The following LRRC4C variants were observed in gnomAD, a reference collection of about 807,000 sequenced individuals.
LRRC4C encodes leucine-rich repeat-containing protein 4C.
Under a neutral mutation model 33.6 loss-of-function variants are expected in LRRC4C, and 5 were observed. The observed-to-expected ratio is 0.15, with a 90% CI of 0.08 to 0.31. The LOEUF is 0.31. Ranked by LOEUF, LRRC4C falls within the 10% of genes least tolerant of loss-of-function variation. LRRC4C has a pLI of 1.00. For missense variants in LRRC4C, 560 were observed against 796.7 expected, an observed-to-expected ratio of 0.70 and a Z score of 3.58; for synonymous variants, 329 against 302.0, an observed-to-expected ratio of 1.09 and a Z score of -0.93.
chr11:40,405,181 T>C (rs1216964433), intron 3 of LRRC4C, among the ~76,000 whole-genome samples: 2 of 151,870 alleles, frequency 1.3e-5, no homozygotes, highest in African/African-American at 4.8e-5. Flanking sequence ...AATGAGCTCA[T>C]GCAATATTTT....
chr11:40,931,910 G>A (rs1011254135), intron 2 of LRRC4C, among the ~76,000 whole-genome samples: 2 of 151,992 alleles, frequency 1.3e-5, no homozygotes, highest in Middle Eastern at 3.2e-3. Context: ...TCAGAGGATC[G>A]ATCCTTCAGT....
chr11:40,497,865 AG>A (rs1489249984), intron 3 of LRRC4C, among the ~76,000 whole-genome samples: 1 of 152,214 alleles, frequency 6.6e-6, no homozygotes, highest in Non-Finnish European at 1.5e-5. Flanking sequence ...CAAAGACCTC[AG>A]TTCTTATAAA....
chr11:41,039,481 C>T (rs1857291262), intron 1 of LRRC4C, among the ~76,000 whole-genome samples: 1 of 152,084 alleles, frequency 6.6e-6, no homozygotes, highest in South Asian at 2.1e-4. Flanking sequence ...GAATGACAAA[C>T]TCTAAACATA....
intron 1 of LRRC4C, among the ~76,000 whole-genome samples, chr11:41,193,086 T>C (rs926066616): frequency 1.3e-5 from 2 of 152,102 alleles, no homozygotes; most frequent in Non-Finnish European, 1.5e-5. Flanking sequence ...CCCTTATCTA[T>C]AAAGTTGCTA....
Position 40,462,326 on chromosome 11 carries a change from G to A in LRRC4C, c.-269-142605C>T, listed in dbSNP as rs1590814964. ...AGTCTTTATTATGTAGGAACAATTG[G>A]AAGCAGAGATTTGCTTTTTATCTTC... On this transcript the variant is annotated intron_variant, in intron 3 of 6. Transcript: ENST00000528697. Among the ~76,000 whole-genome samples the A allele has an allele frequency of 5.3e-5, 8 of 152,184 alleles. No homozygotes were observed. The South Asian group carries it at 1.4e-3, about 28-fold the overall frequency.
chr11:40,864,674 A>G (rs1197997949), intron 2 of LRRC4C, among the ~76,000 whole-genome samples: 1 of 152,196 alleles, frequency 6.6e-6, no homozygotes, highest in African/African-American at 2.4e-5. Context: ...CTTTCAAACT[A>G]GGCAAAGACA....
chr11:40,482,305 A>G (rs1953615066), intron 3 of LRRC4C, among the ~76,000 whole-genome samples: 1 of 152,186 alleles, frequency 6.6e-6, no homozygotes, highest in Non-Finnish European at 1.5e-5. Context: ...TAGGACATTC[A>G]GATTAATTGT....
intron 2 of LRRC4C, among the ~76,000 whole-genome samples, chr11:40,704,216 A>G (rs1213749983): frequency 6.6e-6 from 1 of 152,196 alleles, no homozygotes; most frequent in South Asian, 2.1e-4. Flanking sequence ...CAAATACTAC[A>G]TCATTTTATA....
chr11:41,190,540 T>C (rs115434716), intron 1 of LRRC4C, among the ~76,000 whole-genome samples: 2,018 of 152,240 alleles, frequency 0.013, 55 homozygotes, highest in African/African-American at 0.045. Flanking sequence ...AATAAATGTT[T>C]CCTTTCACTG....
intron 4 of LRRC4C, among the ~76,000 whole-genome samples, chr11:40,258,258 T>G (rs1315864222): frequency 1.3e-5 from 2 of 152,172 alleles, no homozygotes; most frequent in African/African-American, 4.8e-5. Context: ...TTTGTATGAA[T>G]GTGCCTCAGC....
intron 6 of LRRC4C, among the ~76,000 whole-genome samples, chr11:40,140,407 T>C (rs1774360970): frequency 6.6e-6 from 1 of 152,112 alleles, no homozygotes; most frequent in Non-Finnish European, 1.5e-5. Flanking sequence ...GAACCACATT[T>C]CCAGTTCTGT....
intron 4 of LRRC4C, among the ~76,000 whole-genome samples, chr11:40,251,706 A>G (rs1329478515): frequency 6.6e-6 from 1 of 152,198 alleles, no homozygotes; most frequent in Non-Finnish European, 1.5e-5. Context: ...ATTACAGCTG[A>G]AAGAAACACC....
chr11:41,351,259 AC>A (rs1951974057), intron 1 of LRRC4C, among the ~76,000 whole-genome samples: 1 of 151,612 alleles, frequency 6.6e-6, no homozygotes, highest in Admixed American at 6.6e-5. Flanking sequence ...ACATACACAC[AC>A]ACACACACAC....
At chr11:41,408,313 T>C (rs1427343190) in intron 1 of LRRC4C, among the ~76,000 whole-genome samples, 3 of 152,198 alleles carry the variant, frequency 2.0e-5, no homozygotes. Context: ...AACTAACGAA[T>C]ATTAATTGTT....
intron 1 of LRRC4C, among the ~76,000 whole-genome samples, chr11:41,254,327 C>T (rs978637832): frequency 4.0e-5 from 6 of 151,892 alleles, no homozygotes; most frequent in Admixed American, 6.6e-5. Flanking sequence ...CATTGGTCTA[C>T]GTGGATCAAT....
intron 1 of LRRC4C, among the ~76,000 whole-genome samples, chr11:41,443,614 CTTCTTCT>C (rs1955725567): frequency 7.0e-6 from 1 of 143,400 alleles, no homozygotes; most frequent in Non-Finnish European, 1.5e-5. Flanking sequence ...TTCTTTTCTT[CTTCTTCT>C]TCTCCTTTTT....
At chr11:40,591,879 C>A (rs1419625889) in intron 3 of LRRC4C, among the ~76,000 whole-genome samples, 4 of 152,172 alleles carry the variant, frequency 2.6e-5, no homozygotes, top group African/African-American at 9.6e-5. Flanking sequence ...TTTGCATAGG[C>A]TAGACCAAAT....
chr11:40,784,368 G>A (rs966689748), intron 2 of LRRC4C, among the ~76,000 whole-genome samples: 6 of 152,096 alleles, frequency 3.9e-5, no homozygotes, highest in African/African-American at 7.2e-5. Context: ...ATAAAGTTCC[G>A]TCCTACCTCT....
intron 1 of LRRC4C, among the ~76,000 whole-genome samples, chr11:40,981,865 C>T (rs904711183): frequency 6.6e-6 from 1 of 152,120 alleles, no homozygotes; most frequent in Non-Finnish European, 1.5e-5. Context: ...TTTTAAAAAT[C>T]TTTATCTCAA....
Sources: allele counts gnomAD v4.1 joint callset (sites outside exome capture counted in the v4.1 genomes callset), GRCh38; gene constraint gnomAD v4.1.1; transcripts MANE v1.5; gene names NCBI Gene and HGNC (gene_info 2026-07-23, HGNC 2026-07-21).